Variants in KCNH1 observed in about 807,000 individuals in gnomAD.
KCNH1 encodes the protein potassium voltage-gated channel subfamily H member 1, also known as voltage-gated delayed rectifier potassium channel KCNH1.
Under a neutral mutation model 69.2 loss-of-function variants are expected in KCNH1, and 27 were observed. That is an observed-to-expected ratio of 0.39 (90% confidence interval 0.29 to 0.54). KCNH1 has a LOEUF of 0.54. Ranked by LOEUF, KCNH1 falls within the 20% of genes least tolerant of loss-of-function variation. KCNH1 has a pLI of 0.68. For missense variants in KCNH1, 798 were observed against 1,261.6 expected (o/e 0.63, Z 5.57); for synonymous variants, 456 against 487.7 (o/e 0.93, Z 0.86).
intron 6 of KCNH1, among the ~76,000 whole-genome samples, chr1:210,994,630 G>A (rs934959322): frequency 9.2e-5 from 14 of 152,138 alleles, no homozygotes; most frequent in African/African-American, 3.4e-4. Context: ...CAAAGGATCT[G>A]GTTAGCACAA....
intron 6 of KCNH1, among the ~76,000 whole-genome samples, chr1:210,923,014 T>C (rs187339073): frequency 1.1e-4 from 16 of 152,314 alleles, no homozygotes; most frequent in Admixed American, 5.9e-4. Context: ...CAAAGCAACA[T>C]TTATGTAGAA....
chr1:210,920,160 AG>A (rs1232203935), intron 6 of KCNH1, 91 bp from the exon 7 acceptor site: 1 of 1,140,888 alleles, frequency 8.8e-7, no homozygotes, highest in Non-Finnish European at 1.2e-6. Context: ...TTTTAAGCAT[AG>A]TGTATTTCCA....
At chr1:210,897,587 T>C (rs1171510705) in intron 7 of KCNH1, among the ~76,000 whole-genome samples, 4 of 152,194 alleles carry the variant, frequency 2.6e-5, no homozygotes, top group Admixed American at 6.5e-5. Context: ...AGAGCCCTAC[T>C]GTGATTTTTA....
At chr1:210,758,564 C>T (rs560365032) in intron 10 of KCNH1, among the ~76,000 whole-genome samples, 1 of 152,290 alleles carries the variant, frequency 6.6e-6, no homozygotes, top group South Asian at 2.1e-4. Flanking sequence ...ACCTCAAGCA[C>T]AGTCTACCCT....
chr1:210,734,946 C>G (rs1043802970), intron 10 of KCNH1, among the ~76,000 whole-genome samples: 1 of 152,136 alleles, frequency 6.6e-6, no homozygotes, highest in African/African-American at 2.4e-5. Flanking sequence ...AGTTAAAGCC[C>G]TTTGGTAGCT....
chr1:210,797,855 C>A, intron 8 of KCNH1, 95 bp from the exon 9 acceptor site: 1 of 1,391,932 alleles, frequency 7.2e-7, no homozygotes, highest in Non-Finnish European at 9.9e-7. Flanking sequence ...ACATCCACTA[C>A]GCCAGACTGC....
chr1:210,730,269 TTCA>T (rs1470072866), intron 10 of KCNH1, among the ~76,000 whole-genome samples: 1 of 152,128 alleles, frequency 6.6e-6, no homozygotes, highest in Non-Finnish European at 1.5e-5. Flanking sequence ...AAAATTACAC[TTCA>T]TATCCAAATT....
chr1:210,678,884 A>C lies in KCNH1; in HGVS notation c.*4397T>G, dbSNP rs1681199267. 1 of 152,242 alleles carries C rather than the reference A, an allele frequency of 6.6e-6. No individual in the cohort carries two copies. The highest frequency in any genetic ancestry group is 6.5e-5 in the Admixed American group (1 of 15,286). The allele number at this position is 152,242 out of a possible 1,614,324, so 9.4% of individuals were successfully genotyped here. On this transcript the variant is annotated 3_prime_UTR_variant, in exon 11 of 11. Transcript: ENST00000271751. ...AGATAAAGGGACAGTGGCTGTAAGAAAAGTTTAATGGCAGGCAGGGAGGGC... is the reference window on the plus strand; with the variant it reads ...AGATAAAGGGACAGTGGCTGTAAGACAAGTTTAATGGCAGGCAGGGAGGGC...
intron 1 of KCNH1, among the ~76,000 whole-genome samples, chr1:211,127,757 G>A (rs147744987): frequency 4.6e-4 from 70 of 152,270 alleles, no homozygotes; most frequent in Admixed American, 1.9e-3. Flanking sequence ...GCTCACACAC[G>A]GCTGGTGGGA....
chr1:211,123,718 A>G (rs17017225), intron 1 of KCNH1, among the ~76,000 whole-genome samples: 2,245 of 152,308 alleles, frequency 0.015, 60 homozygotes, highest in African/African-American at 0.052. Context: ...CCCACAGAGT[A>G]CAAAAGCATG....
At chr1:210,710,666 G>A (rs1170912078) in intron 10 of KCNH1, among the ~76,000 whole-genome samples, 1 of 152,106 alleles carries the variant, frequency 6.6e-6, no homozygotes, top group Non-Finnish European at 1.5e-5. Context: ...GAAGCTCAGA[G>A]AAGCCTAATG....
intron 10 of KCNH1, among the ~76,000 whole-genome samples, chr1:210,688,518 A>C (rs938312619): frequency 6.6e-6 from 1 of 152,186 alleles, no homozygotes; most frequent in African/African-American, 2.4e-5. Flanking sequence ...TAATGGGGAG[A>C]GAGAAAAAGA....
At chr1:210,710,624 C>T (rs1297823651) in intron 10 of KCNH1, among the ~76,000 whole-genome samples, 1 of 152,150 alleles carries the variant, frequency 6.6e-6, no homozygotes, top group Non-Finnish European at 1.5e-5. Flanking sequence ...GCCTGACTAT[C>T]TTCTTATCCC....
chr1:210,707,020 C>G (rs536710369), intron 10 of KCNH1, among the ~76,000 whole-genome samples: 1 of 152,236 alleles, frequency 6.6e-6, no homozygotes, highest in Admixed American at 6.5e-5. Flanking sequence ...ATTCACAGTC[C>G]AGGAAGTAAG....
At chr1:210,830,052 C>T (rs1466601035) in intron 7 of KCNH1, among the ~76,000 whole-genome samples, 1 of 152,114 alleles carries the variant, frequency 6.6e-6, no homozygotes, top group South Asian at 2.1e-4. Flanking sequence ...AGACTACTGC[C>T]TACCACCTCA....
At chr1:210,949,639 A>G (rs999549681) in intron 6 of KCNH1, among the ~76,000 whole-genome samples, 1 of 152,204 alleles carries the variant, frequency 6.6e-6, no homozygotes, top group African/African-American at 2.4e-5. Flanking sequence ...ACAGCACTTC[A>G]TAAATGCAAT....
At chr1:211,063,400 G>A (rs548705701) in intron 5 of KCNH1, 15 of 152,212 alleles carry the variant, frequency 9.9e-5, no homozygotes, top group African/African-American at 2.9e-4. Flanking sequence ...TGGCTAAAGA[G>A]GAGATGGTAG....
intron 10 of KCNH1, among the ~76,000 whole-genome samples, chr1:210,702,739 G>C (rs1400624915): frequency 6.6e-6 from 1 of 152,186 alleles, no homozygotes; most frequent in African/African-American, 2.4e-5. Context: ...ACCCCATGGT[G>C]ATTTGTGCTT....
chr1:211,002,338 GTATA>G (rs112118983), intron 6 of KCNH1, among the ~76,000 whole-genome samples: 16 of 87,832 alleles, frequency 1.8e-4, no homozygotes, highest in Admixed American at 5.9e-4. Flanking sequence ...GTGTGTGTGT[GTATA>G]TATATATATA....
Sources: gnomAD v4.1 joint callset for allele counts (sites outside exome capture counted in the v4.1 genomes callset) on GRCh38, gnomAD v4.1.1 for gene constraint, MANE v1.5 for transcripts, NCBI Gene and HGNC (gene_info 2026-07-23, HGNC 2026-07-21) for gene names.